The following GRM1 variants were observed in gnomAD, a reference collection of about 807,000 sequenced individuals.
GRM1 encodes metabotropic glutamate receptor 1.
In GRM1, 33 loss-of-function variants were observed where a neutral mutation model predicts 90.9. That is an observed-to-expected ratio of 0.36 (90% CI 0.28 to 0.49). The LOEUF is 0.49. GRM1 is among the 20% of genes least tolerant of loss of function. The probability of loss-of-function intolerance (pLI) is 0.99; values close to 1 mark genes in which losing one functional copy is unlikely to be tolerated. For missense variants in GRM1, 1,190 were observed against 1,534.3 expected, an observed-to-expected ratio of 0.78 and a Z score of 3.75; for synonymous variants, 700 against 613.2, an observed-to-expected ratio of 1.14 and a Z score of -2.09.
intron 2 of GRM1, among the ~76,000 whole-genome samples, chr6:146,178,241 G>C (rs779737374): frequency 3.9e-5 from 6 of 152,158 alleles, no homozygotes; most frequent in Non-Finnish European, 7.4e-5. Context: ...TGGTCTGGTA[G>C]TTTGTAGAAT....
At chr6:146,113,921 G>T (rs1396869818) in intron 1 of GRM1, among the ~76,000 whole-genome samples, 1 of 152,060 alleles carries the variant, frequency 6.6e-6, no homozygotes, top group Admixed American at 6.6e-5. Flanking sequence ...TTTGCACACT[G>T]AGAAACACTG....
intron 2 of GRM1, among the ~76,000 whole-genome samples, chr6:146,251,926 C>A (rs1781300371): frequency 6.6e-6 from 1 of 152,138 alleles, no homozygotes; most frequent in South Asian, 2.1e-4. Flanking sequence ...CATATATTTC[C>A]AGGGCTCATG....
intron 7 of GRM1, among the ~76,000 whole-genome samples, chr6:146,425,869 G>A (rs933314007): frequency 1.3e-5 from 2 of 152,198 alleles, no homozygotes; most frequent in South Asian, 4.1e-4. Context: ...ACCCCTGGCT[G>A]CCCATCAGCC....
rs892918780 is a variant in GRM1, at chr6:146,352,100, G to A, written c.1187-150G>A. On this transcript the variant is annotated intron_variant, in intron 3 of 7. Coordinates refer to ENST00000282753, the MANE Select transcript of GRM1 (RefSeq NM_001278064.2). ...TGGAATCTGCTAGAGCTAGCCACAA[G>A]TACAAAGCTTGCACAGGTGGGCGTG... 6.3e-5 allele frequency: 46 copies of A among 735,876 alleles called. 1 individual carries two copies. In the East Asian group the frequency reaches 7.2e-4, roughly 12 times the overall value. 45.6% of individuals were successfully genotyped at this position (735,876 alleles called of 1,614,324 possible). A position where few individuals can be genotyped will look rare whatever the true frequency, so the allele number is the denominator to read the frequency against.
chr6:146,243,910 C>T (rs1780956688), intron 2 of GRM1, among the ~76,000 whole-genome samples: 1 of 152,118 alleles, frequency 6.6e-6, no homozygotes, highest in Admixed American at 6.6e-5. Flanking sequence ...GCTAGGAACA[C>T]ACTCTCTTTC....
Position 146,181,872 on chromosome 6 carries a change from A to G in GRM1, c.950+22275A>G, listed in dbSNP as rs1778564480. ...CATTTTTCAATAAGATTTATTAATT[A>G]TAAGCAGGATGAAAGCAATATAGTT... On this transcript the variant is annotated intron_variant, in intron 2 of 7. Coordinates refer to ENST00000282753, the MANE Select transcript of GRM1 (RefSeq NM_001278064.2). 2.0e-5 allele frequency among the ~76,000 whole-genome samples: 3 copies of G among 152,160 alleles called. No homozygotes were observed. The South Asian group carries it at 6.2e-4, about 32-fold the overall frequency.
intron 7 of GRM1, among the ~76,000 whole-genome samples, chr6:146,418,386 A>C (rs1777862022): frequency 6.6e-6 from 1 of 151,768 alleles, no homozygotes; most frequent in South Asian, 2.1e-4. Flanking sequence ...TTTTATATTA[A>C]AAATAATAAA....
At chr6:146,326,540 AAC>A (rs1469630808) in intron 3 of GRM1, among the ~76,000 whole-genome samples, 2 of 152,166 alleles carry the variant, frequency 1.3e-5, no homozygotes, top group Admixed American at 1.3e-4. Context: ...AAACCCCCAG[AAC>A]ACAAGTTTAC....
intron 2 of GRM1, among the ~76,000 whole-genome samples, chr6:146,161,313 A>G (rs1777715639): frequency 6.6e-6 from 1 of 152,206 alleles, no homozygotes; most frequent in Non-Finnish European, 1.5e-5. Flanking sequence ...ATTATGAAAC[A>G]TAATTACACA....
At chr6:146,033,826 G>GA (rs1172885357) in intron 1 of GRM1, among the ~76,000 whole-genome samples, 3 of 151,634 alleles carry the variant, frequency 2.0e-5, no homozygotes, top group African/African-American at 7.3e-5. Context: ...AATGACATCA[G>GA]AAAAAAGTCC....
intron 2 of GRM1, among the ~76,000 whole-genome samples, chr6:146,203,879 G>A (rs1779404929): frequency 6.6e-6 from 1 of 152,204 alleles, no homozygotes; most frequent in African/African-American, 2.4e-5. Flanking sequence ...ATTAATTGCT[G>A]TCACCCTTTG....
At chr6:146,114,675 A>T (rs1400449379) in intron 1 of GRM1, among the ~76,000 whole-genome samples, 3 of 152,196 alleles carry the variant, frequency 2.0e-5, no homozygotes, top group Admixed American at 6.5e-5. Context: ...TATTATTCTA[A>T]TACTATAAGC....
At chr6:146,220,497 T>G (rs747811061) in intron 2 of GRM1, among the ~76,000 whole-genome samples, 1 of 152,180 alleles carries the variant, frequency 6.6e-6, no homozygotes, top group Non-Finnish European at 1.5e-5. Flanking sequence ...TGTTAGAATT[T>G]AATGTCATGT....
intron 2 of GRM1, among the ~76,000 whole-genome samples, chr6:146,289,817 A>G (rs1782911929): frequency 6.6e-6 from 1 of 152,266 alleles, no homozygotes; most frequent in African/African-American, 2.4e-5. Flanking sequence ...GCTGGTAACA[A>G]TAGGCCATGT....
chr6:146,414,406 T>TATTATTA (rs1554312438), intron 7 of GRM1, among the ~76,000 whole-genome samples: 8 of 150,340 alleles, frequency 5.3e-5, no homozygotes, highest in South Asian at 2.1e-4. Flanking sequence ...TTATTATTAT[T>TATTATTA]TTTGTTGTTG....
At chr6:146,348,695 C>A (rs1002809777) in intron 3 of GRM1, among the ~76,000 whole-genome samples, 6 of 152,194 alleles carry the variant, frequency 3.9e-5, no homozygotes, top group Admixed American at 3.3e-4. Flanking sequence ...TCATCATTTG[C>A]TGTTGGTAGA....
chr6:146,321,325 T>C (rs1379608948), intron 3 of GRM1, among the ~76,000 whole-genome samples: 1 of 152,250 alleles, frequency 6.6e-6, no homozygotes. Flanking sequence ...GACTACGCTG[T>C]CGTCTGCGAG....
intron 1 of GRM1, among the ~76,000 whole-genome samples, chr6:146,136,914 A>G (rs1418108773): frequency 7.7e-6 from 1 of 130,694 alleles, no homozygotes; most frequent in Non-Finnish European, 1.5e-5. Context: ...GTGCAGTTGC[A>G]CAATCTCAGC....
chr6:146,357,654 G>C lies in GRM1; in HGVS notation c.1562G>C (p.Arg521Pro), dbSNP rs770770147. The change falls in exon 5 of 8, where the codon CGG becomes CCG. Residue 521 changes from arginine (R) to proline (P), a missense_variant. By Grantham distance (103) the Arg-to-Pro change is moderately radical. Coordinates refer to ENST00000282753, the MANE Select transcript of GRM1 (RefSeq NM_001278064.2). ...KIQMNKSGVV[R>P]SVCSEPCLKG... ...CAGATGAACAAGAGTGGAGTGGTGC[G>C]GTCTGTGTGCAGTGAGCCTTGCTTA... 1.2e-6 allele frequency: 2 copies of C among 1,614,002 alleles called. No homozygotes were observed. The highest frequency in any genetic ancestry group is 2.2e-5 in the East Asian group (1 of 44,868).
Sources: allele counts gnomAD v4.1 joint callset (sites outside exome capture counted in the v4.1 genomes callset), GRCh38; gene constraint gnomAD v4.1.1; transcripts MANE v1.5; gene names NCBI Gene and HGNC (gene_info 2026-07-23, HGNC 2026-07-21).